The following SLC26A5 variants were observed in gnomAD, a reference collection of about 807,000 sequenced individuals.
SLC26A5 encodes prestin.
A neutral mutation model predicts 81.0 loss-of-function variants in SLC26A5; 51 were observed. The observed-to-expected ratio is 0.63, with a 90% CI of 0.50 to 0.80. The LOEUF is 0.80. Among genes scored for constraint, SLC26A5 ranks in the 30% least tolerant of loss-of-function variants. The pLI is 0.00. For missense variants in SLC26A5, 771 were observed against 905.8 expected (o/e 0.85, Z 1.91); for synonymous variants, 325 against 332.8 (o/e 0.98, Z 0.25).
At chr7:103,372,943 T>C (rs1821118947), downstream of SLC26A5, among the ~76,000 whole-genome samples, 1 of 150,920 alleles carries the variant, frequency 6.6e-6, no homozygotes, top group Non-Finnish European at 1.5e-5. Context: ...TTGAAGTTGA[T>C]AATTAAATGA....
At chr7:103,365,184 A>G (rs1273527778) in intron 19 of SLC26A5, among the ~76,000 whole-genome samples, 1 of 152,040 alleles carries the variant, frequency 6.6e-6, no homozygotes, top group Non-Finnish European at 1.5e-5. Flanking sequence ...TTTACTAATT[A>G]GAATGGTTCC....
chr7:103,419,584 C>A lies in SLC26A5; in HGVS notation c.292+1154G>T, dbSNP rs865900319. Among the ~76,000 whole-genome samples, 15 of 151,776 alleles carry A rather than the reference C, an allele frequency of 9.9e-5. No individual in the cohort carries two copies. In the East Asian group the frequency reaches 2.7e-3, roughly 27 times the overall value. ...ATAGAGTCTTGCTCTGTTGCCCAGG[C>A]TGGAGTCCAGTGGCACGATCTCAGC... On this transcript the variant is annotated intron_variant, in intron 4 of 19. Transcript: ENST00000306312.
intron 4 of SLC26A5, among the ~76,000 whole-genome samples, chr7:103,419,125 G>C (rs902121382): frequency 2.0e-5 from 3 of 152,100 alleles, no homozygotes; most frequent in Non-Finnish European, 4.4e-5. Flanking sequence ...TTGCTCGTTT[G>C]CCTTCTGCCA....
intron 17 of SLC26A5, 63 bp downstream of exon 17, chr7:103,378,383 G>A (rs1389645090): frequency 5.4e-6 from 8 of 1,488,494 alleles, no homozygotes; most frequent in Middle Eastern, 1.7e-4. Flanking sequence ...TCAGTCATGA[G>A]TAAAGATGGA....
intron 19 of SLC26A5, among the ~76,000 whole-genome samples, chr7:103,364,596 G>A (rs1234647183): frequency 6.6e-6 from 1 of 152,106 alleles, no homozygotes; most frequent in East Asian, 1.9e-4. Context: ...TTTTTGTAGA[G>A]AGGGGTTTTA....
At chr7:103,360,569 A>G (rs1217749013) in intron 19 of SLC26A5, among the ~76,000 whole-genome samples, 2 of 152,162 alleles carry the variant, frequency 1.3e-5, no homozygotes, top group Admixed American at 1.3e-4. Context: ...AAGCCAAAGC[A>G]TTCTGTACCT....
intron 16 of SLC26A5, 70 bp from the exon 17 acceptor site, chr7:103,378,623 T>C: frequency 3.8e-6 from 5 of 1,320,380 alleles, no homozygotes; most frequent in Non-Finnish European, 5.5e-6. Context: ...GCCACTCCCC[T>C]TCAAATCTCC....
In SLC26A5 at chr7:103,367,872, C is replaced by A. The variant is rs758441633; in HGVS notation, c.2041+8936G>T. 1.2e-6 allele frequency: 2 copies of A among 1,611,350 alleles called. No homozygotes were observed. Among genetic ancestry groups the A allele is most frequent in the African/African-American group, 1.3e-5 (1 of 74,716 alleles). ...CTGCTCAGGCTGCTTTAATTAAGCC[C>A]GTTTATTTTCTTTTTGTTTGAAAGG... On this transcript the variant is annotated intron_variant, in intron 19 of 19. Coordinates refer to the SLC26A5 transcript ENST00000339444. The surrounding 1 kb of genome is among the most constrained non-coding windows in gnomAD (Gnocchi z 6.1).
At chr7:103,421,925 C>T (rs760000418) in intron 2 of SLC26A5, among the ~76,000 whole-genome samples, 9 of 152,120 alleles carry the variant, frequency 5.9e-5, no homozygotes, top group African/African-American at 1.2e-4. Flanking sequence ...AAAAAGAGTA[C>T]GATCAGTCCT....
At chr7:103,414,159 AT>A (rs1433858680) in intron 4 of SLC26A5, among the ~76,000 whole-genome samples, 1 of 109,472 alleles carries the variant, frequency 9.1e-6, no homozygotes, top group Non-Finnish European at 1.8e-5. Context: ...CACTAATGAT[AT>A]TTTTACTGTC....
chr7:103,371,005 A>AT (rs1364678949), downstream of SLC26A5, among the ~76,000 whole-genome samples: 1 of 152,246 alleles, frequency 6.6e-6, no homozygotes, highest in Non-Finnish European at 1.5e-5. Context: ...AGTAGCAGCT[A>AT]TTAAGGCCCA....
chr7:103,353,140 C>T (rs184064834), intron 19 of SLC26A5, among the ~76,000 whole-genome samples: 32 of 151,994 alleles, frequency 2.1e-4, no homozygotes, highest in African/African-American at 7.5e-4. Context: ...CGTAGAACAC[C>T]ATTTCAGGTT....
intron 4 of SLC26A5, among the ~76,000 whole-genome samples, chr7:103,413,350 T>C (rs1824660916): frequency 6.6e-6 from 1 of 152,170 alleles, no homozygotes; most frequent in Admixed American, 6.5e-5. Context: ...TTCTGCTTTA[T>C]TCTTTCACAA....
chr7:103,393,361 G>A (rs1385598708), intron 9 of SLC26A5, among the ~76,000 whole-genome samples: 1 of 152,172 alleles, frequency 6.6e-6, no homozygotes. Context: ...CTGATGGCAA[G>A]TGTAAGTAAG....
downstream of SLC26A5, chr7:103,374,166 G>T: frequency 7.6e-7 from 1 of 1,310,868 alleles, no homozygotes. Context: ...CTAGAATGTA[G>T]CAGAAATGTC....
intron 19 of SLC26A5, among the ~76,000 whole-genome samples, chr7:103,366,579 G>A (rs982850090): frequency 6.6e-6 from 1 of 152,100 alleles, no homozygotes; most frequent in African/African-American, 2.4e-5. Flanking sequence ...GAAGCATTTT[G>A]GATTTTGCAT....
At chr7:103,390,331 A>G in intron 12 of SLC26A5, 98 bp downstream of exon 12, 1 of 1,099,264 alleles carries the variant, frequency 9.1e-7, no homozygotes, top group Non-Finnish European at 1.4e-6. Context: ...TGAGGGTTAC[A>G]GTAAATAACC....
intron 19 of SLC26A5, chr7:103,368,868 G>T (rs1820864972): frequency 6.6e-6 from 1 of 152,092 alleles, no homozygotes; most frequent in Admixed American, 6.5e-5. Flanking sequence ...TAAAGTTTCT[G>T]TTAGGCTTCT....
intron 2 of SLC26A5, among the ~76,000 whole-genome samples, chr7:103,429,588 C>A (rs1825923442): frequency 1.3e-5 from 2 of 152,184 alleles, no homozygotes; most frequent in African/African-American, 4.8e-5. Context: ...ATTCTTACTA[C>A]TTTTTGGACT....
Sources: allele counts gnomAD v4.1 joint callset (sites outside exome capture counted in the v4.1 genomes callset), GRCh38; gene constraint gnomAD v4.1.1; non-coding constraint Gnocchi (gnomAD v3.1); transcripts MANE v1.5; gene names NCBI Gene and HGNC (gene_info 2026-07-23, HGNC 2026-07-21).